HDAC7: variants seen among roughly 807,000 people sequenced by gnomAD.
The protein encoded by HDAC7 is histone deacetylase 7.
A neutral mutation model predicts 115.5 loss-of-function variants in HDAC7; 26 were observed. That is an observed-to-expected ratio of 0.23 (90% CI 0.16 to 0.31). The LOEUF (loss-of-function observed/expected upper bound fraction) is 0.31, where lower values mean the gene tolerates loss of function less well. Ranked by LOEUF, HDAC7 falls within the 10% of genes least tolerant of loss-of-function variation. The probability of loss-of-function intolerance (pLI) is 1.00; values close to 1 mark genes in which losing one functional copy is unlikely to be tolerated. For missense variants in HDAC7, 1,068 were observed against 1,329.0 expected, an observed-to-expected ratio of 0.80 and a Z score of 3.05; for synonymous variants, 564 against 550.9, an observed-to-expected ratio of 1.02 and a Z score of -0.33.
chr12:47,786,095 A>T, intron 22 of HDAC7: 2 of 542,240 alleles, frequency 3.7e-6, no homozygotes, highest in South Asian at 2.8e-5. Flanking sequence ...GCCTTGGGAA[A>T]GGCCCCACAG....
At chr12:47,802,812 C>A (rs2137013173) in intron 1 of HDAC7, among the ~76,000 whole-genome samples, 1 of 152,220 alleles carries the variant, frequency 6.6e-6, no homozygotes, top group South Asian at 2.1e-4. Context: ...ACAGAGGTTT[C>A]CAGAGTGGGG....
intron 1 of HDAC7, chr12:47,802,532 G>C (rs764669119): frequency 6.5e-7 from 1 of 1,533,424 alleles, no homozygotes; most frequent in Admixed American, 2.0e-5. Flanking sequence ...TCAGACTACA[G>C]CAAGAACCTA....
rs1943978502 is a variant in HDAC7 at position 47,798,312 on chromosome 12, G to A, written c.350-93C>T. On this transcript the variant is annotated intron_variant, in intron 4 of 25. Transcript: ENST00000080059. This position sits in a 1 kb window ranked among gnomAD's most constrained non-coding sequence, Gnocchi z 4.3. ...ACTGCCCTGTCCCCATCCTCAGTAG[G>A]AGGCGTCCCAGGGACTCCCTAGGCA... 2.7e-6 allele frequency: 3 copies of A among 1,091,020 alleles called. No homozygotes were observed. Among genetic ancestry groups the A allele is most frequent in the African/African-American group, 1.5e-5 (1 of 65,096 alleles). The allele number at this position is 1,091,020 out of a possible 1,614,324, so 67.6% of individuals were successfully genotyped here. A position where few individuals can be genotyped will look rare whatever the true frequency, so the allele number is the denominator to read the frequency against.
intron 17 of HDAC7, 104 bp downstream of exon 17, chr12:47,789,709 T>C (rs1270114061): frequency 7.3e-7 from 1 of 1,368,700 alleles, no homozygotes; most frequent in East Asian, 2.3e-5. Context: ...CCTGTAGCAA[T>C]CTCTAAGAGG....
chr12:47,808,391 C>T (rs930298480), intron 1 of HDAC7, among the ~76,000 whole-genome samples: 3 of 152,166 alleles, frequency 2.0e-5, no homozygotes, highest in Non-Finnish European at 2.9e-5. Context: ...ATGGCAGCAG[C>T]GGCTTGAGCT....
In HDAC7 at chr12:47,797,332, A is replaced by G; in HGVS notation, c.577+52T>C. On this transcript the variant is annotated intron_variant, in intron 6 of 25. Transcript: ENST00000080059. This position sits in a 1 kb window ranked among gnomAD's most constrained non-coding sequence, Gnocchi z 5.5. ...CCTGCACACTCCTCCCCCATGTCCGAGGCCCTTCCCCCTTCCTTTGCCTGA... is the reference window on the plus strand; with the variant it reads ...CCTGCACACTCCTCCCCCATGTCCGGGGCCCTTCCCCCTTCCTTTGCCTGA... The G allele has an allele frequency of 7.3e-7, 1 of 1,374,308 alleles. No individual in the cohort carries two copies. The highest frequency in any genetic ancestry group is 2.5e-5 in the East Asian group (1 of 39,490). The allele number at this position is 1,374,308 out of a possible 1,614,324, so 85.1% of individuals were successfully genotyped here.
At position 47,797,384 on chromosome 12, in the gene HDAC7, C is replaced by T; in HGVS notation, c.577G>A (p.Val193Ile). ...AGGTCCGCCTGTTTGTTCAGCTCAC[C>T]TGTCTTGCGCAGAGGGAAGTGCTCT... ...PPEHFPLRKT[V>I]SEPNLKLRYK... is the part of the protein sequence containing the mutation. Residue 193 changes from valine to isoleucine, a missense_variant and splice_region_variant, in exon 6 of 26, where the codon GTC (valine) becomes ATC (isoleucine). Physicochemically the swap from Val to Ile is conservative, Grantham distance 29 (BLOSUM62 3). Transcript: ENST00000080059. This position sits in a 1 kb window ranked among gnomAD's most constrained non-coding sequence, Gnocchi z 5.5. The T allele has an allele frequency of 3.1e-6, 5 of 1,613,716 alleles. No homozygotes were observed. The highest frequency in any genetic ancestry group is 4.2e-6 in the Non-Finnish European group (5 of 1,179,624).
At chr12:47,818,467 G>A (rs373947829) in intron 1 of HDAC7, among the ~76,000 whole-genome samples, 8 of 152,204 alleles carry the variant, frequency 5.3e-5, no homozygotes, top group South Asian at 2.1e-4. Flanking sequence ...CATGGGTAGC[G>A]GCAGCCTAGC....
At chr12:47,800,420 A>G (rs1308153491) in intron 2 of HDAC7, among the ~76,000 whole-genome samples, 1 of 152,170 alleles carries the variant, frequency 6.6e-6, no homozygotes, top group African/African-American at 2.4e-5. Flanking sequence ...TGACTGTGAC[A>G]TGGACACAAG....
At chr12:47,796,129 C>T (rs907683505) in intron 8 of HDAC7, 78 bp downstream of exon 8, 10 of 1,527,594 alleles carry the variant, frequency 6.5e-6, no homozygotes, top group East Asian at 2.3e-5. Context: ...GCAGCCCCAG[C>T]CCAGGTAGGG....
Position 47,797,855 on chromosome 12 carries a change from G to GGGGTGTGT in HDAC7, c.461+252_461+253insACACACCC, listed in dbSNP as rs577419391. ...TCATGTGCAAGAAAAAAGCCAGTAG[G>GGGGTGTGT]GTGTGTGTGTGTGTGTGTGTGTGTG... On this transcript the variant is annotated intron_variant, in intron 5 of 25. Coordinates refer to ENST00000080059, the MANE Select transcript of HDAC7 (RefSeq NM_015401.5). The surrounding 1 kb of genome is among the most constrained non-coding windows in gnomAD (Gnocchi z 5.5). Among the ~76,000 whole-genome samples the GGGGTGTGT allele has an allele frequency of 3.0e-4, 37 of 123,946 alleles. No homozygotes were observed. Among genetic ancestry groups the GGGGTGTGT allele is most frequent in the African/African-American group, 8.6e-4 (27 of 31,298 alleles). The allele number at this position is 123,946 out of a possible 152,430, so 81.3% of individuals were successfully genotyped here.
At position 47,786,565 on chromosome 12, in the gene HDAC7, CT is replaced by C; in HGVS notation, c.2572+19del. ...CTGGCTCTCTGTCCCTAACGTCCCCCTCAGCTGAGGCTCCCTTACATTTGGC... is the reference window on the plus strand; with the variant it reads ...CTGGCTCTCTGTCCCTAACGTCCCCCCAGCTGAGGCTCCCTTACATTTGGC... On this transcript the variant is annotated intron_variant, in intron 22 of 25. Transcript: ENST00000080059. The C allele has an allele frequency of 6.4e-7, 1 of 1,567,142 alleles. No homozygotes were observed. The highest frequency in any genetic ancestry group is 8.8e-7 in the Non-Finnish European group (1 of 1,137,648).
chr12:47,791,406 G>T, intron 15 of HDAC7, 98 bp from the exon 16 acceptor site: 1 of 1,403,246 alleles, frequency 7.1e-7, no homozygotes. Flanking sequence ...GTGAGTATTG[G>T]GGGAGAGAAA....
Position 47,795,215 on chromosome 12 carries a change from T to G in HDAC7, c.1253A>C (p.Glu418Ala). The G allele has an allele frequency of 6.2e-7, 1 of 1,613,106 alleles. No homozygotes were observed. Among genetic ancestry groups the G allele is most frequent in the South Asian group, 1.1e-5 (1 of 90,952 alleles). ...PPPGPMQPRL[E>A]QLKTHVQVIK... The stretch of plus-strand genomic sequence containing the variant: ...CACCTGGACGTGAGTTTTGAGCTGC[T>G]CCAGGCGGGGCTGCATGGGGCCCGG... Residue 418 changes from glutamate (E) to alanine (A), a missense_variant, in exon 11 of 26, where the codon GAG becomes GCG. Transcript: ENST00000080059. This position sits in a 1 kb window ranked among gnomAD's most constrained non-coding sequence, Gnocchi z 4.3.
chr12:47,794,642 C>G, intron 12 of HDAC7, 118 bp downstream of exon 12: 1 of 1,049,052 alleles, frequency 9.5e-7, no homozygotes, highest in East Asian at 2.9e-5. Flanking sequence ...ATAGGGCAAC[C>G]ATGGGTCCTA....
chr12:47,819,687 A>G (rs1168450309), intron 1 of HDAC7, 80 bp downstream of exon 1: 4 of 247,030 alleles, frequency 1.6e-5, no homozygotes. Flanking sequence ...AGCCGGGGCC[A>G]GGGCCGGAGG....
At chr12:47,796,398 C>CT (rs1327150940) in intron 7 of HDAC7, 100 bp from the exon 8 acceptor site, 3 of 709,232 alleles carry the variant, frequency 4.2e-6, no homozygotes, top group Non-Finnish European at 4.7e-6. Flanking sequence ...CACCCCCTTC[C>CT]TTAACGAGCA....
intron 2 of HDAC7, among the ~76,000 whole-genome samples, chr12:47,799,398 G>A (rs1944054688): frequency 6.6e-6 from 1 of 152,294 alleles, no homozygotes; most frequent in East Asian, 1.9e-4. Flanking sequence ...GCCCTCTAAT[G>A]AGTTGGGCTC....
chr12:47,791,449 G>A, intron 15 of HDAC7, 137 bp downstream of exon 15: 1 of 1,395,730 alleles, frequency 7.2e-7, no homozygotes. Context: ...GGGCTGAGGA[G>A]GGGCTTGGCA....
Sources: gnomAD v4.1 joint callset for allele counts (sites outside exome capture counted in the v4.1 genomes callset) on GRCh38, gnomAD v4.1.1 for gene constraint, Gnocchi (gnomAD v3.1) non-coding constraint, MANE v1.5 for transcripts, NCBI Gene and HGNC (gene_info 2026-07-23, HGNC 2026-07-21) for gene names.